GNA12: variants seen among roughly 807,000 people sequenced by gnomAD.
The protein encoded by GNA12 is guanine nucleotide-binding protein subunit alpha-12.
GNA12 carries 9 observed loss-of-function variants against 26.0 expected under a neutral mutation model. The ratio of observed to expected loss-of-function variants is 0.35; its 90% CI spans 0.21 to 0.60. GNA12 has a LOEUF of 0.60. GNA12 is among the 20% of genes least tolerant of loss of function. GNA12 has a pLI of 0.78. For missense variants in GNA12, 405 were observed against 525.8 expected, an observed-to-expected ratio of 0.77 and a Z score of 2.25; for synonymous variants, 264 against 219.6, an observed-to-expected ratio of 1.20 and a Z score of -1.79.
intron 2 of GNA12, among the ~76,000 whole-genome samples, chr7:2,787,332 C>A (rs17132693): frequency 0.019 from 2,928 of 152,272 alleles, 54 homozygotes; most frequent in Middle Eastern, 0.075. Flanking sequence ...ATTTAAGTGT[C>A]AGTCAAACCA....
At chr7:2,779,897 GAAT>G (rs1311460399) in intron 2 of GNA12, among the ~76,000 whole-genome samples, 1 of 151,662 alleles carries the variant, frequency 6.6e-6, no homozygotes, top group East Asian at 1.9e-4. Context: ...CAGGCTTGGC[GAAT>G]AATACATGTT....
chr7:2,822,301 T>C (rs1006016188), intron 1 of GNA12, among the ~76,000 whole-genome samples: 51 of 152,252 alleles, frequency 3.3e-4, no homozygotes, highest in Admixed American at 2.9e-3. Context: ...TTCTTCAGAA[T>C]TCAGAGATCT....
chr7:2,772,392 C>T (rs1248966400), intron 2 of GNA12, among the ~76,000 whole-genome samples: 1 of 152,050 alleles, frequency 6.6e-6, no homozygotes, highest in African/African-American at 2.4e-5. Flanking sequence ...AAACCCGTCT[C>T]TACTAAAAAT....
chr7:2,768,677 C>CAAAAAAAAAAA (rs1791871309), intron 2 of GNA12, among the ~76,000 whole-genome samples: 1 of 78,022 alleles, frequency 1.3e-5, no homozygotes, highest in Non-Finnish European at 3.2e-5. Context: ...AAAAAAAAAA[C>CAAAAAAAAAAA]AAAACAAAAC....
chr7:2,781,656 T>C (rs2527682), intron 2 of GNA12, among the ~76,000 whole-genome samples: 88,269 of 152,042 alleles, frequency 0.58, 25,830 homozygotes, highest in Admixed American at 0.63. Flanking sequence ...GTCTTTACTG[T>C]ATATTCTTTT....
At chr7:2,800,734 G>A (rs952793831) in intron 1 of GNA12, among the ~76,000 whole-genome samples, 2 of 152,196 alleles carry the variant, frequency 1.3e-5, no homozygotes, top group African/African-American at 4.8e-5. Flanking sequence ...GGAGCTTTCC[G>A]AAGGGTGGGT....
At chr7:2,742,362 G>C (rs1321933381) in intron 2 of GNA12, among the ~76,000 whole-genome samples, 1 of 152,070 alleles carries the variant, frequency 6.6e-6, no homozygotes, top group African/African-American at 2.4e-5. Flanking sequence ...CGGCCCTTGG[G>C]GTTTTTGCGA....
intron 2 of GNA12, among the ~76,000 whole-genome samples, chr7:2,766,385 G>A (rs1791803547): frequency 1.5e-5 from 2 of 137,730 alleles, no homozygotes; most frequent in Non-Finnish European, 3.1e-5. Context: ...GGTTGCTTCC[G>A]CCTTTTTTTT....
In GNA12 at chr7:2,731,164, C is replaced by T. The variant is rs376042551; in HGVS notation, c.*17G>A. On this transcript the variant is annotated 3_prime_UTR_variant, in exon 4 of 4. Coordinates refer to ENST00000275364, the MANE Select transcript of GNA12 (RefSeq NM_007353.3). The surrounding 1 kb of genome is among the most constrained non-coding windows in gnomAD (Gnocchi z 6.0). ...GTGGGGGCTGCTCAACGACGACAAA[C>T]CCCGGGGCTTCCTCGCTCACTGCAG... The T allele has an allele frequency of 1.1e-5, 17 of 1,578,052 alleles. No individual in the cohort carries two copies. The African/African-American group carries it at 1.3e-4, about 12-fold the overall frequency.
intron 2 of GNA12, among the ~76,000 whole-genome samples, chr7:2,739,686 T>A (rs1357276141): frequency 6.6e-6 from 1 of 152,174 alleles, no homozygotes; most frequent in Non-Finnish European, 1.5e-5. Context: ...AGTTCTTTTT[T>A]TATTTTAAAA....
At position 2,814,847 on chromosome 7, in the gene GNA12, G is replaced by C; in HGVS notation, c.310-19704C>G. On this transcript the variant is annotated intron_variant, in intron 1 of 3. Coordinates refer to ENST00000275364, the MANE Select transcript of GNA12 (RefSeq NM_007353.3). Reference sequence around the variant, plus strand: ...CTGTGCTCCCGACAGCACCGGGTGTGCACTGCTCCCCTCCACAGCACTCAC... The same window carrying C: ...CTGTGCTCCCGACAGCACCGGGTGTCCACTGCTCCCCTCCACAGCACTCAC... 2 of 1,592,926 alleles carry C rather than the reference G, an allele frequency of 1.3e-6. 1 individual carries two copies. Among genetic ancestry groups the C allele is most frequent in the South Asian group, 2.3e-5 (2 of 87,826 alleles).
intron 2 of GNA12, among the ~76,000 whole-genome samples, chr7:2,740,815 CG>C (rs2115325994): frequency 6.6e-6 from 1 of 152,240 alleles, no homozygotes; most frequent in African/African-American, 2.4e-5. Flanking sequence ...GAGGCCGAGG[CG>C]GACGGATCAC....
chr7:2,839,909 G>C (rs1192099470), intron 1 of GNA12, among the ~76,000 whole-genome samples: 1 of 152,132 alleles, frequency 6.6e-6, no homozygotes, highest in African/African-American at 2.4e-5. Flanking sequence ...TGGGACAGGA[G>C]AATCGCTTGA....
rs1789754569 is a variant in GNA12 at position 2,729,109 on chromosome 7, G to T, written c.*2072C>A. 1 of 152,400 alleles carries T rather than the reference G, an allele frequency of 6.6e-6. No homozygotes were observed. Among genetic ancestry groups the T allele is most frequent in the Non-Finnish European group, 1.5e-5 (1 of 68,054 alleles). The allele number at this position is 152,400 out of a possible 1,614,324, so 9.4% of individuals were successfully genotyped here. On this transcript the variant is annotated 3_prime_UTR_variant, in exon 4 of 4. Coordinates refer to ENST00000275364, the MANE Select transcript of GNA12 (RefSeq NM_007353.3). Reference sequence around the variant, plus strand: ...GTGTTTCAAACAACTCCCCTGCTACGCGAATCACAGCGCTGCTGTCGCCAA... The same window carrying T: ...GTGTTTCAAACAACTCCCCTGCTACTCGAATCACAGCGCTGCTGTCGCCAA...
At chr7:2,781,800 T>G (rs1792237046) in intron 2 of GNA12, among the ~76,000 whole-genome samples, 1 of 152,120 alleles carries the variant, frequency 6.6e-6, no homozygotes, top group Admixed American at 6.6e-5. Flanking sequence ...TTATTCTTCA[T>G]CAATAACAAC....
At chr7:2,840,447 C>T (rs569701972) in intron 1 of GNA12, among the ~76,000 whole-genome samples, 3 of 152,348 alleles carry the variant, frequency 2.0e-5, no homozygotes, top group Non-Finnish European at 4.4e-5. Context: ...GTACAGCACA[C>T]AGTCCGTGCT....
chr7:2,737,095 G>A (rs1276995355), intron 2 of GNA12, among the ~76,000 whole-genome samples: 1 of 152,126 alleles, frequency 6.6e-6, no homozygotes, highest in Non-Finnish European at 1.5e-5. Context: ...TCCCACTGGG[G>A]AGTGAGAGGA....
At chr7:2,811,368 A>T (rs1220334831) in intron 1 of GNA12, among the ~76,000 whole-genome samples, 2 of 152,336 alleles carry the variant, frequency 1.3e-5, no homozygotes, top group East Asian at 3.9e-4. Context: ...CAGAAGACAA[A>T]GGAGCAACAA....
chr7:2,802,035 C>G (rs1375196624), intron 1 of GNA12, among the ~76,000 whole-genome samples: 1 of 151,874 alleles, frequency 6.6e-6, no homozygotes, highest in East Asian at 1.9e-4. Context: ...TACTCCTGTC[C>G]TTTTCCAATG....
Sources: allele counts gnomAD v4.1 joint callset (sites outside exome capture counted in the v4.1 genomes callset), GRCh38; gene constraint gnomAD v4.1.1; non-coding constraint Gnocchi (gnomAD v3.1); transcripts MANE v1.5; gene names NCBI Gene and HGNC (gene_info 2026-07-23, HGNC 2026-07-21).